The following BRS3 variants were observed in gnomAD, a reference collection of about 807,000 sequenced individuals.
BRS3 encodes bombesin receptor subtype-3.
In BRS3, 5 loss-of-function variants were observed where a neutral mutation model predicts 18.8. That is an observed-to-expected ratio of 0.27 (90% confidence interval 0.14 to 0.56). BRS3 has a LOEUF of 0.56. Among genes scored for constraint, BRS3 ranks in the 20% least tolerant of loss-of-function variants. The probability of loss-of-function intolerance (pLI) is 0.93; values close to 1 mark genes in which losing one functional copy is unlikely to be tolerated. For synonymous variants in BRS3, 121 were observed against 115.0 expected, an observed-to-expected ratio of 1.05 and a Z score of -0.33; for missense variants, 215 against 296.3, an observed-to-expected ratio of 0.73 and a Z score of 2.01.
At chrX:136,489,084 C>T (rs1466699915) in intron 1 of BRS3, among the ~76,000 whole-genome samples, 1 of 112,098 alleles carries the variant, frequency 8.9e-6, no homozygotes, top group Non-Finnish European at 1.9e-5. Context: ...GTAATGTCAT[C>T]ACGTAATTCT....
rs1407696662 is a variant in BRS3, at chrX:136,490,162, G to A, written c.464G>A (p.Arg155Gln). Residue 155 changes from arginine to glutamine, a missense_variant, in exon 2 of 3, where the codon CGA becomes CAA. Around this residue, in one of 3 missense-constraint regions of BRS3, gnomAD observed 123 missense variants for 207.6 expected, o/e 0.59. Coordinates refer to ENST00000370648, the MANE Select transcript of BRS3 (RefSeq NM_001727.2). Reference sequence around the variant, plus strand: ...AAGGCAGTTGTGAAGCCACTTGAGCGACAGCCCTCCAATGCCATCCTGAAG... The same window carrying A: ...AAGGCAGTTGTGAAGCCACTTGAGCAACAGCCCTCCAATGCCATCCTGAAG... ...RYKAVVKPLE[R>Q]QPSNAILKTC... The A allele has an allele frequency of 7.5e-6, 9 of 1,200,372 alleles. No individual in the cohort carries two copies. Among genetic ancestry groups the A allele is most frequent in the East Asian group, 6.0e-5 (2 of 33,596 alleles).
In BRS3 at chrX:136,488,016, C is replaced by T. The variant is rs1219250841; in HGVS notation, c.-99C>T. On this transcript the variant is annotated 5_prime_UTR_variant, in exon 1 of 3. Transcript: ENST00000370648. ...TTCCCATTCTGTTCTGTTCTGTTCT[C>T]CTAATACCATCTCGTTACTAGACGT... 4.9e-6 allele frequency: 4 copies of T among 813,400 alleles called. No individual in the cohort carries two copies. The East Asian group carries it at 9.9e-5, about 20-fold the overall frequency. 67.0% of individuals were successfully genotyped at this position (813,400 alleles called of 1,213,427 possible). A position where few individuals can be genotyped will look rare whatever the true frequency, so the allele number is the denominator to read the frequency against.
At chrX:136,491,913 G>GTGTTTTTTTTT (rs773324636) in intron 2 of BRS3, 49 bp from the exon 3 acceptor site, 21 of 436,964 alleles carry the variant, frequency 4.8e-5, no homozygotes, top group African/African-American at 4.0e-4. Context: ...TGTTTTTTGT[G>GTGTTTTTTTTT]TTTTTTTTTT....
chrX:136,491,911 GTGTTTT>G, intron 2 of BRS3, 45 bp from the exon 3 acceptor site: 1 of 600,601 alleles, frequency 1.7e-6, no homozygotes, highest in Non-Finnish European at 2.0e-6. Flanking sequence ...GTTGTTTTTT[GTGTTTT>G]TTTTTTTTTT....
At position 136,491,995 on chromosome X, in the gene BRS3, T is replaced by C; in HGVS notation, c.820T>C (p.Leu274=). Residue 274 remains leucine, a synonymous_variant, in exon 3 of 3, where the codon TTG becomes CTG. Transcript: ENST00000370648. The part of the protein sequence containing the change: ...ESRKRIARTV[L]VLVALFALCW... ...CCGAAAGAGAATTGCCAGAACGGTA[T>C]TGGTGTTGGTGGCTCTGTTTGCCCT... The C allele has an allele frequency of 8.8e-7, 1 of 1,132,093 alleles. No homozygotes were observed. The allele number at this position is 1,132,093 out of a possible 1,213,427, so 93.3% of individuals were successfully genotyped here. A position where few individuals can be genotyped will look rare whatever the true frequency, so the allele number is the denominator to read the frequency against.
chrX:136,491,936 T>TCTA, intron 2 of BRS3, 26 bp from the exon 3 acceptor site: 1 of 833,601 alleles, frequency 1.2e-6, no homozygotes, highest in African/African-American at 2.4e-5. Context: ...TTTTTTTTTT[T>TCTA]TTTGCTATGT....
At chrX:136,491,889 T>G in intron 2 of BRS3, 73 bp from the exon 3 acceptor site, 1 of 963,090 alleles carries the variant, frequency 1.0e-6, no homozygotes, top group Non-Finnish European at 1.3e-6. Flanking sequence ...ATGTTTTGTT[T>G]TTTTTGTTGT....
Position 136,490,312 on chromosome X carries a change from C to T in BRS3, c.614C>T (p.Ser205Phe). 8.3e-7 allele frequency: 1 copy of T among 1,210,180 alleles called. No homozygotes were observed. Among genetic ancestry groups the T allele is most frequent in the Non-Finnish European group, 1.1e-6 (1 of 894,026 alleles). Reference sequence around the variant, plus strand: ...AATATGACATTTGAATCATGTACCTCTTATCCTGTCTCTAAGAAGCTCTTG... The same window carrying T: ...AATATGACATTTGAATCATGTACCTTTTATCCTGTCTCTAAGAAGCTCTTG... ...NKNMTFESCTSYPVSKKLLQE... is the reference protein window; with the variant it reads ...NKNMTFESCTFYPVSKKLLQE... Residue 205 changes from serine to phenylalanine, a missense_variant, in exon 2 of 3, where the codon TCT (serine) becomes TTT (phenylalanine). Coordinates refer to ENST00000370648, the MANE Select transcript of BRS3 (RefSeq NM_001727.2).
chrX:136,488,076 TGAG>T lies in BRS3; in HGVS notation c.-38_-36del. 3 of 1,149,025 alleles carry T rather than the reference TGAG, an allele frequency of 2.6e-6. No homozygotes were observed. The highest frequency in any genetic ancestry group is 3.5e-6 in the Non-Finnish European group (3 of 859,682). The allele number at this position is 1,149,025 out of a possible 1,213,427, so 94.7% of individuals were successfully genotyped here. ...ACGTGACAATCAACTGCATTTGAAC[TGAG>T]AAGAAGAAATATTAAAGACACAGTC... On this transcript the variant is annotated 5_prime_UTR_variant, in exon 1 of 3. Coordinates refer to ENST00000370648, the MANE Select transcript of BRS3 (RefSeq NM_001727.2).
Position 136,488,496 on chromosome X carries a change from C to T in BRS3, c.382C>T (p.Leu128Phe). The change falls in exon 1 of 3, where the codon CTC becomes TTC. Residue 128 changes from leucine to phenylalanine, a missense_variant. Around this residue, in one of 3 missense-constraint regions of BRS3, gnomAD observed 123 missense variants for 207.6 expected, o/e 0.59. Transcript: ENST00000370648. The part of the protein sequence containing the change: ...IGCKVLSFIR[L>F]TSVGVSVFTL... ...TTGTAAGGTGCTCTCTTTCATCCGG[C>T]TCACTTCTGTTGGTGTGTCAGTGTT... The T allele has an allele frequency of 8.3e-7, 1 of 1,211,713 alleles. No homozygotes were observed. The highest frequency in any genetic ancestry group is 1.1e-6 in the Non-Finnish European group (1 of 895,455).
chrX:136,490,724 T>G (rs936139640), intron 2 of BRS3, among the ~76,000 whole-genome samples: 7 of 111,919 alleles, frequency 6.3e-5, no homozygotes, highest in African/African-American at 2.3e-4. Context: ...TGAAGATGAT[T>G]ACTAGATGAT....
chrX:136,488,653 C>A (rs2075660444), intron 1 of BRS3, 105 bp downstream of exon 1: 1 of 796,218 alleles, frequency 1.3e-6, no homozygotes, highest in East Asian at 3.3e-5. Context: ...TTTTCTCACA[C>A]TCTGTAACGT....
In BRS3 at chrX:136,490,386, C is replaced by G. The variant is rs765593380; in HGVS notation, c.688C>G (p.Leu230Val). 8.3e-7 allele frequency: 1 copy of G among 1,209,035 alleles called. No homozygotes were observed. Among genetic ancestry groups the G allele is most frequent in the Non-Finnish European group, 1.1e-6 (1 of 893,104 alleles). ...LCFLVFYIIP[L>V]SIISVYYSLI... ...CTTCTTAGTGTTCTACATTATTCCACTCTCTATTATCTCTGTCTACTATTC... is the reference window on the plus strand; with the variant it reads ...CTTCTTAGTGTTCTACATTATTCCAGTCTCTATTATCTCTGTCTACTATTC... Residue 230 changes from leucine (L) to valine (V), a missense_variant, in exon 2 of 3, where the codon CTC (leucine) becomes GTC (valine). Physicochemically the swap from Leu to Val is conservative, Grantham distance 32. This residue lies in a region of BRS3 where 123 missense variants were observed against 207.6 expected (regional missense o/e 0.59). Transcript: ENST00000370648.
chrX:136,491,659 C>T (rs2075669169), intron 2 of BRS3, among the ~76,000 whole-genome samples: 1 of 111,155 alleles, frequency 9.0e-6, no homozygotes, highest in South Asian at 3.8e-4. Context: ...TAGAGTATCT[C>T]GAAATTAGGG....
Position 136,492,259 on chromosome X carries a change from C to T in BRS3, c.1084C>T (p.Leu362Phe). The change falls in exon 3 of 3, where the codon CTT becomes TTT. Residue 362 changes from leucine to phenylalanine, a missense_variant. Physicochemically the swap from Leu to Phe is conservative, Grantham distance 22. This residue lies in a region of BRS3 where 45 missense variants were observed against 45.5 expected (regional missense o/e 0.99). Coordinates refer to ENST00000370648, the MANE Select transcript of BRS3 (RefSeq NM_001727.2). ...RPEPPVADTS[L>F]TTLAVMGTVP... ...TGAGCCTCCTGTTGCTGACACCTCTCTTACCACCCTGGCTGTGATGGGAAC... is the reference window on the plus strand; with the variant it reads ...TGAGCCTCCTGTTGCTGACACCTCTTTTACCACCCTGGCTGTGATGGGAAC... 8.3e-7 allele frequency: 1 copy of T among 1,211,763 alleles called. No homozygotes were observed. The highest frequency in any genetic ancestry group is 3.0e-5 in the East Asian group (1 of 33,853).
At position 136,488,297 on chromosome X, in the gene BRS3, C is replaced by T; in HGVS notation, c.183C>T (p.Gly61=). 1 of 1,211,766 alleles carries T rather than the reference C, an allele frequency of 8.3e-7. No individual in the cohort carries two copies. ...YITYAVIISV[G]ILGNAILIKV... ...CTTATGCTGTGATCATTTCAGTGGG[C>T]ATCCTTGGAAATGCTATTCTCATCA... Residue 61 remains glycine, a synonymous_variant, in exon 1 of 3, where the codon GGC becomes GGT. Transcript: ENST00000370648.
rs924691373 is a variant in BRS3 at position 136,490,624 on chromosome X, G to A, written c.786+140G>A. On this transcript the variant is annotated intron_variant, in intron 2 of 2. Coordinates refer to ENST00000370648, the MANE Select transcript of BRS3 (RefSeq NM_001727.2). ...TATTTTTGTTATGAGCATAGGCTCC[G>A]GTTTGAATCCCAGTTCTATCACGTA... 7 of 445,491 alleles carry A rather than the reference G, an allele frequency of 1.6e-5. No individual in the cohort carries two copies. The East Asian group carries it at 2.0e-4, about 13-fold the overall frequency. 36.7% of individuals were successfully genotyped at this position (445,491 alleles called of 1,213,427 possible). A position where few individuals can be genotyped will look rare whatever the true frequency, so the allele number is the denominator to read the frequency against.
Position 136,487,968 on chromosome X carries a change from G to A in BRS3, c.-147G>A. ...AGACACACAGAACTGAAGCAAAGGA[G>A]TATCTGGATGTCTTGGATTTTCTTC... On this transcript the variant is annotated 5_prime_UTR_variant, in exon 1 of 3. Transcript: ENST00000370648. The A allele has an allele frequency of 1.9e-6, 1 of 520,430 alleles. No individual in the cohort carries two copies. The highest frequency in any genetic ancestry group is 3.1e-6 in the Non-Finnish European group (1 of 325,878). 42.9% of individuals were successfully genotyped at this position (520,430 alleles called of 1,213,427 possible).
At chrX:136,491,278 G>A (rs912813523) in intron 2 of BRS3, among the ~76,000 whole-genome samples, 1 of 111,961 alleles carries the variant, frequency 8.9e-6, no homozygotes, top group Non-Finnish European at 1.9e-5. Flanking sequence ...TAACAATGGT[G>A]CTCATGAGAC....
Sources: gnomAD v4.1 joint callset for allele counts (sites outside exome capture counted in the v4.1 genomes callset) on GRCh38, gnomAD v4.1.1 for gene constraint, gnomAD v4.1.1 regional missense constraint, MANE v1.5 for transcripts, NCBI Gene and HGNC (gene_info 2026-07-23, HGNC 2026-07-21) for gene names.